Variants in PPP2R3A observed in about 807,000 individuals in gnomAD.
PPP2R3A encodes the protein serine/threonine-protein phosphatase 2A regulatory subunit B'' subunit alpha.
A neutral mutation model predicts 106.9 loss-of-function variants in PPP2R3A; 80 were observed. The ratio of observed to expected loss-of-function variants is 0.75; its 90% CI spans 0.62 to 0.90. The LOEUF is 0.90. Ranked by LOEUF, PPP2R3A falls within the 40% of genes least tolerant of loss-of-function variation. PPP2R3A has a pLI of 0.00. For synonymous variants in PPP2R3A, 483 were observed against 468.3 expected, an observed-to-expected ratio of 1.03 and a Z score of -0.41; for missense variants, 1,386 against 1,350.4, an observed-to-expected ratio of 1.03 and a Z score of -0.41.
intron 8 of PPP2R3A, among the ~76,000 whole-genome samples, chr3:136,084,279 G>A (rs757094419): frequency 6.6e-6 from 1 of 152,240 alleles, no homozygotes; most frequent in Non-Finnish European, 1.5e-5. Flanking sequence ...GCTTAAAGGG[G>A]CCAACATACA....
chr3:136,100,403 C>T lies in PPP2R3A; in HGVS notation c.2928-1604C>T, dbSNP rs1338578763. ...ATTAAAAATTAGCCAGGCTAGGCGC[C>T]GTGGCTCACGCCTGTAATCCCAGCA... On this transcript the variant is annotated intron_variant, in intron 10 of 13. Coordinates refer to ENST00000264977, the MANE Select transcript of PPP2R3A (RefSeq NM_002718.5). Among the ~76,000 whole-genome samples, 4 of 151,438 alleles carry T rather than the reference C, an allele frequency of 2.6e-5. No homozygotes were observed. The East Asian group carries it at 5.8e-4, about 22-fold the overall frequency.
chr3:136,000,215 A>C (rs184281334), intron 1 of PPP2R3A, among the ~76,000 whole-genome samples: 1 of 152,124 alleles, frequency 6.6e-6, no homozygotes, highest in Non-Finnish European at 1.5e-5. Context: ...CCACCATATG[A>C]TAAGTTTATA....
At chr3:135,983,869 G>T (rs1221436555) in intron 1 of PPP2R3A, among the ~76,000 whole-genome samples, 1 of 152,212 alleles carries the variant, frequency 6.6e-6, no homozygotes, top group Non-Finnish European at 1.5e-5. Context: ...ATAGCCTGAA[G>T]TTCAGAGAGA....
At chr3:136,060,584 T>C (rs1470239996) in intron 5 of PPP2R3A, among the ~76,000 whole-genome samples, 2 of 152,150 alleles carry the variant, frequency 1.3e-5, no homozygotes, top group African/African-American at 2.4e-5. Context: ...TGTGAAGATA[T>C]GCTTGCTTCC....
At chr3:136,139,886 A>G (rs919629817) in intron 13 of PPP2R3A, among the ~76,000 whole-genome samples, 1 of 151,126 alleles carries the variant, frequency 6.6e-6, no homozygotes, top group African/African-American at 2.4e-5. Context: ...CATGCCTGTA[A>G]TCCCAGCTAC....
At chr3:136,127,710 G>A (rs565630372) in intron 13 of PPP2R3A, among the ~76,000 whole-genome samples, 1 of 152,270 alleles carries the variant, frequency 6.6e-6, no homozygotes, top group East Asian at 1.9e-4. Context: ...ACACATAATT[G>A]TCAGATTCAC....
At chr3:136,029,322 A>T (rs1282013857) in intron 3 of PPP2R3A, among the ~76,000 whole-genome samples, 1 of 152,116 alleles carries the variant, frequency 6.6e-6, no homozygotes, top group East Asian at 1.9e-4. Context: ...TGAGGAGCCC[A>T]TTCTCCTGTG....
At chr3:136,059,525 G>C (rs1936004402) in intron 5 of PPP2R3A, among the ~76,000 whole-genome samples, 1 of 152,134 alleles carries the variant, frequency 6.6e-6, no homozygotes, top group Non-Finnish European at 1.5e-5. Context: ...ATACATTGTT[G>C]GTGGGAGTGT....
chr3:136,141,470 T>C (rs1239319916), intron 13 of PPP2R3A, among the ~76,000 whole-genome samples: 1 of 152,158 alleles, frequency 6.6e-6, no homozygotes, highest in Non-Finnish European at 1.5e-5. Flanking sequence ...GGGAGTGATA[T>C]AATCCCTACC....
chr3:136,137,823 G>A (rs1208848436), intron 13 of PPP2R3A, among the ~76,000 whole-genome samples: 2 of 151,870 alleles, frequency 1.3e-5, no homozygotes, highest in Non-Finnish European at 2.9e-5. Context: ...TTACAGGCGT[G>A]AGCCACCGCG....
chr3:136,078,386 A>G lies in PPP2R3A; in HGVS notation c.2564A>G (p.Tyr855Cys), dbSNP rs1936663362. The change falls in exon 7 of 14, where the codon TAC (tyrosine) becomes TGC (cysteine). Residue 855 changes from tyrosine (Y) to cysteine (C), a missense_variant. Coordinates refer to ENST00000264977, the MANE Select transcript of PPP2R3A (RefSeq NM_002718.5). ...YITTVIQRIFYTVNRSWSGKI... is the reference protein window; with the variant it reads ...YITTVIQRIFCTVNRSWSGKI... ...AACCAGGTTATTCAGAGAATATTCT[A>G]CACAGTCAACAGATCTTGGAGTGGA... The G allele has an allele frequency of 1.9e-6, 3 of 1,608,420 alleles. No homozygotes were observed. Among genetic ancestry groups the G allele is most frequent in the African/African-American group, 2.7e-5 (2 of 74,726 alleles).
intron 13 of PPP2R3A, among the ~76,000 whole-genome samples, chr3:136,128,539 A>G (rs1166991864): frequency 6.6e-6 from 1 of 152,156 alleles, no homozygotes; most frequent in Non-Finnish European, 1.5e-5. Flanking sequence ...GAGACCTACA[A>G]AGAGACTTAG....
rs551099186 is a variant in PPP2R3A, at chr3:136,145,982, C to A, written c.*816C>A. The A allele has an allele frequency of 1.8e-4, 27 of 152,186 alleles. No individual in the cohort carries two copies. The Middle Eastern group carries it at 0.01, about 58-fold the overall frequency. 9.4% of individuals were successfully genotyped at this position (152,186 alleles called of 1,614,324 possible). ...ATTAGTTGATAACTGTTTTCACTTC[C>A]TATCAGAAGGCCTGCTTGAAGACAT... On this transcript the variant is annotated 3_prime_UTR_variant, in exon 14 of 14. Transcript: ENST00000264977.
intron 2 of PPP2R3A, among the ~76,000 whole-genome samples, chr3:136,009,899 C>T (rs1030260229): frequency 4.6e-5 from 7 of 152,166 alleles, no homozygotes; most frequent in Admixed American, 4.6e-4. Flanking sequence ...TTTATTCGTG[C>T]AGCTGAACTT....
intron 2 of PPP2R3A, among the ~76,000 whole-genome samples, chr3:136,017,838 A>C (rs1934331778): frequency 1.3e-5 from 2 of 152,196 alleles, no homozygotes; most frequent in Admixed American, 1.3e-4. Context: ...TCTGTCATCC[A>C]GATTTTTATA....
chr3:136,033,842 G>T (rs1934991315), intron 3 of PPP2R3A, among the ~76,000 whole-genome samples: 1 of 150,622 alleles, frequency 6.6e-6, no homozygotes, highest in Non-Finnish European at 1.5e-5. Flanking sequence ...CTAGCTTTTT[G>T]TTTCATTTAT....
chr3:136,014,559 T>C (rs777050235), intron 2 of PPP2R3A, among the ~76,000 whole-genome samples: 2 of 151,972 alleles, frequency 1.3e-5, no homozygotes, highest in Non-Finnish European at 2.9e-5. Flanking sequence ...TATATTCTTA[T>C]GTATTTTATT....
At chr3:136,016,501 G>A (rs769475960) in intron 2 of PPP2R3A, among the ~76,000 whole-genome samples, 8 of 152,154 alleles carry the variant, frequency 5.3e-5, no homozygotes, top group Non-Finnish European at 8.8e-5. Context: ...GGGAGCTCCA[G>A]TGTCAGGTGC....
At chr3:135,979,730 A>T (rs1006319189) in intron 1 of PPP2R3A, among the ~76,000 whole-genome samples, 2 of 152,014 alleles carry the variant, frequency 1.3e-5, no homozygotes, top group African/African-American at 2.4e-5. Flanking sequence ...ACAAAAAAAA[A>T]ATATGGTAAG....
Sources: gnomAD v4.1 joint callset for allele counts (sites outside exome capture counted in the v4.1 genomes callset) on GRCh38, gnomAD v4.1.1 for gene constraint, MANE v1.5 for transcripts, NCBI Gene and HGNC (gene_info 2026-07-23, HGNC 2026-07-21) for gene names.